Variants in RASGRP3 observed in about 807,000 individuals in gnomAD.
RASGRP3 encodes ras guanyl-releasing protein 3.
In RASGRP3, 54 loss-of-function variants were observed where a neutral mutation model predicts 82.7. That is an observed-to-expected ratio of 0.65 (90% CI 0.52 to 0.82). The LOEUF (loss-of-function observed/expected upper bound fraction) is 0.82, where lower values mean the gene tolerates loss of function less well. RASGRP3 is among the 40% of genes least tolerant of loss of function. The pLI is 0.00. For missense variants in RASGRP3, 861 were observed against 828.9 expected (o/e 1.04, Z -0.48); for synonymous variants, 309 against 300.5 (o/e 1.03, Z -0.29).
upstream of RASGRP3, among the ~76,000 whole-genome samples, chr2:33,475,631 A>G (rs1370613504): frequency 6.6e-6 from 1 of 152,194 alleles, no homozygotes; most frequent in Non-Finnish European, 1.5e-5. Flanking sequence ...CACCCTTACT[A>G]TACCAAGAAG....
chr2:33,546,923 C>T (rs780185444), intron 13 of RASGRP3, among the ~76,000 whole-genome samples: 3 of 151,792 alleles, frequency 2.0e-5, no homozygotes, highest in African/African-American at 4.8e-5. Flanking sequence ...AAAAATTAGC[C>T]GGGCGTGGTG....
At chr2:33,516,885 G>A in intron 4 of RASGRP3, 1 of 362,140 alleles carries the variant, frequency 2.8e-6, no homozygotes, top group Non-Finnish European at 5.0e-6. Context: ...AATGAAGCAG[G>A]AACTGTAGGC....
At chr2:33,467,301 A>T (rs1311907274) in intron 2 of RASGRP3, among the ~76,000 whole-genome samples, 3 of 152,134 alleles carry the variant, frequency 2.0e-5, no homozygotes, top group African/African-American at 7.2e-5. Context: ...GCTTTCAAAA[A>T]TTTTTCTTTC....
At chr2:33,561,986 G>T (rs565588386) in intron 17 of RASGRP3, among the ~76,000 whole-genome samples, 1 of 152,154 alleles carries the variant, frequency 6.6e-6, no homozygotes, top group Non-Finnish European at 1.5e-5. Flanking sequence ...TATCATAAAA[G>T]GGTTGGGAAA....
At chr2:33,470,014 T>C (rs61619469) in intron 2 of RASGRP3, among the ~76,000 whole-genome samples, 28,243 of 152,206 alleles carry the variant, frequency 0.19, 2,877 homozygotes, top group South Asian at 0.31. Flanking sequence ...AGTACCAAAC[T>C]TTAAATTCAC....
chr2:33,558,564 G>A (rs1358598365), intron 16 of RASGRP3, 108 bp from the exon 17 acceptor site: 3 of 1,150,192 alleles, frequency 2.6e-6, no homozygotes, highest in East Asian at 2.5e-5. Context: ...GTCCCTTGTC[G>A]GTTCCTCTAG....
intron 4 of RASGRP3, among the ~76,000 whole-genome samples, chr2:33,517,515 A>T (rs1169096350): frequency 6.6e-6 from 1 of 152,206 alleles, no homozygotes; most frequent in African/African-American, 2.4e-5. Flanking sequence ...AGGCTTCTGG[A>T]GCCAGTAGGG....
At chr2:33,470,525 G>T (rs577410510) in intron 2 of RASGRP3, among the ~76,000 whole-genome samples, 1 of 151,676 alleles carries the variant, frequency 6.6e-6, no homozygotes, top group Non-Finnish European at 1.5e-5. Flanking sequence ...GACTACAGGC[G>T]CCCGCCACCA....
At chr2:33,459,546 G>C (rs1666245004) in intron 2 of RASGRP3, among the ~76,000 whole-genome samples, 1 of 152,102 alleles carries the variant, frequency 6.6e-6, no homozygotes, top group African/African-American at 2.4e-5. Context: ...AAGTGGTAAG[G>C]ACAGATTTTA....
chr2:33,495,508 A>C (rs543413267), intron 1 of RASGRP3, among the ~76,000 whole-genome samples: 2 of 152,026 alleles, frequency 1.3e-5, no homozygotes, highest in African/African-American at 4.8e-5. Flanking sequence ...CAGGCCATGG[A>C]CCAGGCCATG....
chr2:33,527,358 G>T lies in RASGRP3; in HGVS notation c.1029G>T (p.Leu343=), dbSNP rs1672680151. 6.2e-7 allele frequency: 1 copy of T among 1,613,818 alleles called. No homozygotes were observed. The highest frequency in any genetic ancestry group is 1.3e-5 in the African/African-American group (1 of 74,922). ...TTACCCTGAGTGAACTAGTCTCCCT[G>T]CAGAATGCCTCTCACCACTTAGAAC... ...LSVTLSELVS[L]QNASHHLEPN... The change falls in exon 10 of 18, where the codon CTG becomes CTT. Residue 343 remains leucine (L), a synonymous_variant. Coordinates refer to ENST00000403687, the MANE Select transcript of RASGRP3 (RefSeq NM_001139488.2).
chr2:33,462,365 GTTTTTTTTTTTTGTTTTTCT>G (rs1666419234), intron 2 of RASGRP3, among the ~76,000 whole-genome samples: 1 of 140,224 alleles, frequency 7.1e-6, no homozygotes, highest in South Asian at 2.3e-4. Flanking sequence ...GGATGTAGAG[GTTTTTTTTTTTTGTTTTTCT>G]TTTTTTTTTT....
chr2:33,478,599 C>G (rs1425126309), intron 1 of RASGRP3, among the ~76,000 whole-genome samples: 1 of 152,156 alleles, frequency 6.6e-6, no homozygotes, highest in Non-Finnish European at 1.5e-5. Flanking sequence ...AAACCCATGC[C>G]TTTTCAAAAT....
At chr2:33,545,330 C>T (rs990909686) in intron 13 of RASGRP3, among the ~76,000 whole-genome samples, 18 of 152,188 alleles carry the variant, frequency 1.2e-4, no homozygotes, top group Admixed American at 4.6e-4. Flanking sequence ...GTACTGTTTT[C>T]CAAACGATGT....
chr2:33,543,159 T>A lies in RASGRP3; in HGVS notation c.1279-353T>A, dbSNP rs1480518333. Among the ~76,000 whole-genome samples, 4 of 152,148 alleles carry A rather than the reference T, an allele frequency of 2.6e-5. No individual in the cohort carries two copies. In the East Asian group the frequency reaches 7.7e-4, roughly 29 times the overall value. On this transcript the variant is annotated intron_variant, in intron 12 of 17. Transcript: ENST00000403687. ...TCACAAGTGGCTGGGACTATAGGCA[T>A]GCACCACCGTGCCCAGCTAATTAAA...
chr2:33,549,676 G>T lies in RASGRP3; in HGVS notation c.1467G>T (p.Met489Ile), dbSNP rs757361406. The change falls in exon 14 of 18, where the codon ATG becomes ATT. Residue 489 changes from methionine to isoleucine, a missense_variant. Transcript: ENST00000403687. ...LRAKSQLHCK[M>I]GPGFIHNFQE... Reference sequence around the variant, plus strand: ...CTAAATCCCAACTACACTGTAAAATGGGACCAGGATTTATCCATAATTTTC... The same window carrying T: ...CTAAATCCCAACTACACTGTAAAATTGGACCAGGATTTATCCATAATTTTC... 1 of 1,613,766 alleles carries T rather than the reference G, an allele frequency of 6.2e-7. No individual in the cohort carries two copies. Among genetic ancestry groups the T allele is most frequent in the Non-Finnish European group, 8.5e-7 (1 of 1,179,700 alleles).
intron 15 of RASGRP3, among the ~76,000 whole-genome samples, chr2:33,556,890 T>TACAAACACACACACAC (rs1676029800): frequency 7.6e-6 from 1 of 130,786 alleles, no homozygotes; most frequent in South Asian, 2.6e-4. Flanking sequence ...TACCCTAAAA[T>TACAAACACACACACAC]ACACACACAC....
chr2:33,478,250 A>G (rs1248603880), intron 1 of RASGRP3, among the ~76,000 whole-genome samples: 1 of 152,222 alleles, frequency 6.6e-6, no homozygotes, highest in African/African-American at 2.4e-5. Context: ...AATGTAGAAG[A>G]ATCCACAAAA....
chr2:33,547,596 C>T (rs1674924614), intron 13 of RASGRP3, among the ~76,000 whole-genome samples: 1 of 151,930 alleles, frequency 6.6e-6, no homozygotes, highest in East Asian at 1.9e-4. Flanking sequence ...GAAGAGAGGT[C>T]TAGCAAGTTG....
Sources: gnomAD v4.1 joint callset for allele counts (sites outside exome capture counted in the v4.1 genomes callset) on GRCh38, gnomAD v4.1.1 for gene constraint, MANE v1.5 for transcripts, NCBI Gene and HGNC (gene_info 2026-07-23, HGNC 2026-07-21) for gene names.